DGKB: variants seen among roughly 807,000 people sequenced by gnomAD.
DGKB encodes diacylglycerol kinase beta, also known as 90 kDa diacylglycerol kinase.
In DGKB, 67 loss-of-function variants were observed where a neutral mutation model predicts 114.3. That is an observed-to-expected ratio of 0.59 (90% CI 0.48 to 0.72). The LOEUF (loss-of-function observed/expected upper bound fraction) is 0.72. Among genes scored for constraint, DGKB ranks in the 30% least tolerant of loss-of-function variants. The probability of loss-of-function intolerance (pLI) is 0.00; values close to 1 mark genes in which losing one functional copy is unlikely to be tolerated. For missense variants in DGKB, 907 were observed against 975.2 expected, an observed-to-expected ratio of 0.93 and a Z score of 0.93; for synonymous variants, 398 against 323.1, an observed-to-expected ratio of 1.23 and a Z score of -2.49.
At chr7:14,970,338 C>A (rs572692789) in intron 1 of DGKB, among the ~76,000 whole-genome samples, 1 of 151,954 alleles carries the variant, frequency 6.6e-6, no homozygotes, top group Non-Finnish European at 1.5e-5. Flanking sequence ...TAAGAGGGAA[C>A]TAGACAATAT....
At chr7:14,564,213 G>A (rs1478499338) in intron 20 of DGKB, among the ~76,000 whole-genome samples, 1 of 152,158 alleles carries the variant, frequency 6.6e-6, no homozygotes, top group Non-Finnish European at 1.5e-5. Context: ...TGGTTTTGCT[G>A]AAGCCATTAG....
chr7:14,942,234 T>G (rs1785606833), intron 1 of DGKB, among the ~76,000 whole-genome samples: 1 of 151,922 alleles, frequency 6.6e-6, no homozygotes, highest in Non-Finnish European at 1.5e-5. Context: ...TAATGACTAA[T>G]TTACCACTGG....
chr7:14,528,112 G>C (rs888369666), intron 20 of DGKB, among the ~76,000 whole-genome samples: 1 of 152,100 alleles, frequency 6.6e-6, no homozygotes, highest in Non-Finnish European at 1.5e-5. Flanking sequence ...AACAGTCAAT[G>C]TAAGCTCTGG....
At chr7:14,902,328 A>G (rs933126723) in intron 1 of DGKB, among the ~76,000 whole-genome samples, 1 of 152,212 alleles carries the variant, frequency 6.6e-6, no homozygotes, top group South Asian at 2.1e-4. Context: ...GAAAACATTT[A>G]TCAGTTATGT....
Position 14,502,636 on chromosome 7 carries a change from T to C in DGKB, c.1771-24411A>G, listed in dbSNP as rs566130532. Among the ~76,000 whole-genome samples, 4 of 152,212 alleles carry C rather than the reference T, an allele frequency of 2.6e-5. 1 individual carries two copies. In the South Asian group the frequency reaches 6.2e-4, roughly 24 times the overall value. ...AAGTTGGAGTCTTAAATGTAGTTGA[T>C]AGAAATATAGAGATCGCAAATTTTG... is the stretch of plus-strand genomic sequence containing the variant. On this transcript the variant is annotated intron_variant, in intron 20 of 25. Coordinates refer to ENST00000402815, the MANE Select transcript of DGKB (RefSeq NM_001350709.2).
intron 2 of DGKB, among the ~76,000 whole-genome samples, chr7:14,835,062 A>G (rs1846963158): frequency 6.6e-6 from 1 of 152,158 alleles, no homozygotes; most frequent in Admixed American, 6.6e-5. Context: ...TGAAGCCAAC[A>G]TATATTCTAG....
intron 23 of DGKB, among the ~76,000 whole-genome samples, chr7:14,198,193 T>C (rs1785300546): frequency 6.6e-6 from 1 of 152,064 alleles, no homozygotes; most frequent in African/African-American, 2.4e-5. Context: ...AAAAGGAATT[T>C]TGATTCCAGG....
At chr7:14,572,211 T>C (rs1798488906) in intron 20 of DGKB, among the ~76,000 whole-genome samples, 1 of 151,482 alleles carries the variant, frequency 6.6e-6, no homozygotes, top group Non-Finnish European at 1.5e-5. Context: ...CCCAGCACTT[T>C]GGGAGGCCGA....
At chr7:14,210,792 T>A (rs560569909) in intron 23 of DGKB, among the ~76,000 whole-genome samples, 1 of 152,220 alleles carries the variant, frequency 6.6e-6, no homozygotes, top group South Asian at 2.1e-4. Flanking sequence ...TCTAAGAATC[T>A]ACATAAACCA....
At chr7:14,822,233 A>G (rs1263100448) in intron 2 of DGKB, among the ~76,000 whole-genome samples, 1 of 152,148 alleles carries the variant, frequency 6.6e-6, no homozygotes, top group Non-Finnish European at 1.5e-5. Context: ...GGTTAGAAAT[A>G]TACATTTGGA....
intron 13 of DGKB, among the ~76,000 whole-genome samples, chr7:14,639,127 TAC>T (rs1811280337): frequency 6.6e-6 from 1 of 152,112 alleles, no homozygotes; most frequent in Admixed American, 6.6e-5. Flanking sequence ...AATGGGCTCA[TAC>T]AGACACATGC....
chr7:14,266,652 T>C (rs1241363372), intron 23 of DGKB, among the ~76,000 whole-genome samples: 2 of 152,216 alleles, frequency 1.3e-5, no homozygotes, highest in Non-Finnish European at 1.5e-5. Flanking sequence ...CTACCATTAT[T>C]TATCCAACAA....
At chr7:14,525,468 G>C (rs1199338562) in intron 20 of DGKB, among the ~76,000 whole-genome samples, 1 of 152,166 alleles carries the variant, frequency 6.6e-6, no homozygotes, top group African/African-American at 2.4e-5. Flanking sequence ...ATCTTGAAAA[G>C]AGTGTTATCA....
At chr7:14,213,772 C>A (rs1225164975) in intron 23 of DGKB, among the ~76,000 whole-genome samples, 1 of 152,136 alleles carries the variant, frequency 6.6e-6, no homozygotes, top group Non-Finnish European at 1.5e-5. Flanking sequence ...CTTCCACCAG[C>A]TTTCACAGAA....
intron 23 of DGKB, among the ~76,000 whole-genome samples, chr7:14,282,946 C>T (rs1409468624): frequency 6.6e-6 from 1 of 151,932 alleles, no homozygotes; most frequent in Non-Finnish European, 1.5e-5. Flanking sequence ...CCTTTGAAAA[C>T]TGGCACAAGA....
intron 1 of DGKB, among the ~76,000 whole-genome samples, chr7:14,863,080 A>G (rs1851221103): frequency 6.6e-6 from 1 of 151,554 alleles, no homozygotes; most frequent in Admixed American, 6.6e-5. Context: ...AATGCTTGAT[A>G]TCATTTTTAA....
chr7:14,582,868 A>T (rs1191481187), intron 18 of DGKB, among the ~76,000 whole-genome samples, 184 bp downstream of exon 18: 1 of 152,188 alleles, frequency 6.6e-6, no homozygotes, highest in Admixed American at 6.6e-5. Flanking sequence ...ATGTACTTCT[A>T]AACTATTTTG....
intron 21 of DGKB, among the ~76,000 whole-genome samples, chr7:14,448,259 GGAGA>G (rs1359300073): frequency 6.6e-6 from 1 of 152,050 alleles, no homozygotes; most frequent in Non-Finnish European, 1.5e-5. Flanking sequence ...AAAATGGGGT[GGAGA>G]AAGAAAGCAT....
intron 5 of DGKB, among the ~76,000 whole-genome samples, chr7:14,734,386 C>T (rs568397500): frequency 1.3e-3 from 197 of 152,252 alleles, no homozygotes; most frequent in South Asian, 3.5e-3. Flanking sequence ...AGAGCTGGGA[C>T]TCGCTAGACT....
Sources: allele counts gnomAD v4.1 joint callset (sites outside exome capture counted in the v4.1 genomes callset), GRCh38; gene constraint gnomAD v4.1.1; transcripts MANE v1.5; gene names NCBI Gene and HGNC (gene_info 2026-07-23, HGNC 2026-07-21).